Variants in PDE3B observed in about 807,000 individuals in gnomAD.
PDE3B encodes the protein phosphodiesterase 3B.
PDE3B carries 66 observed loss-of-function variants against 116.8 expected under a neutral mutation model. The observed-to-expected ratio is 0.56, with a 90% CI of 0.46 to 0.69. The LOEUF (loss-of-function observed/expected upper bound fraction) is 0.69, where lower values mean the gene tolerates loss of function less well. Ranked by LOEUF, PDE3B falls within the 30% of genes least tolerant of loss-of-function variation. The pLI is 0.00. For missense variants in PDE3B, 1,384 were observed against 1,368.1 expected, an observed-to-expected ratio of 1.01 and a Z score of -0.18; for synonymous variants, 595 against 533.6, an observed-to-expected ratio of 1.12 and a Z score of -1.59.
the PDE3B span, chr11:14,887,150 C>T: frequency 6.6e-6 from 1 of 152,212 alleles, no homozygotes; most frequent in Admixed American, 6.5e-5. Context: ...CAGAAGGGAA[C>T]TTTAGCAGAG....
At chr11:14,818,460 T>C (rs1859402158) in intron 6 of PDE3B, 67 bp downstream of exon 6, 1 of 1,067,096 alleles carries the variant, frequency 9.4e-7, no homozygotes, top group Non-Finnish European at 1.4e-6. Flanking sequence ...CTCAACATTT[T>C]GGATAGGTTC....
In PDE3B at chr11:14,721,443, T is replaced by G. The variant is rs373035476; in HGVS notation, c.979-50494T>G. On this transcript the variant is annotated intron_variant, in intron 1 of 15. Transcript: ENST00000282096. ...TACTGGGTATATACCCAAAGGACTA[T>G]AAATCATGCTGCTATAAAGACACAT... 3.2e-4 allele frequency among the ~76,000 whole-genome samples: 48 copies of G among 151,378 alleles called. No individual in the cohort carries two copies. The East Asian group carries it at 5.1e-3, about 16-fold the overall frequency.
downstream of PDE3B, among the ~76,000 whole-genome samples, chr11:14,874,421 T>C (rs576121751): frequency 2.0e-5 from 3 of 152,270 alleles, no homozygotes; most frequent in South Asian, 2.1e-4. Flanking sequence ...TAATTCTTCA[T>C]ATTATTTGCT....
At chr11:14,828,359 A>G (rs1392289241) in intron 7 of PDE3B, among the ~76,000 whole-genome samples, 2 of 152,256 alleles carry the variant, frequency 1.3e-5, no homozygotes, top group African/African-American at 4.8e-5. Flanking sequence ...ACAGCAAAAT[A>G]AACTATCAGC....
At position 14,644,507 on chromosome 11, in the gene PDE3B, C is replaced by A. The variant is rs781255530; in HGVS notation, c.432C>A (p.Gly144=). 1.9e-6 allele frequency: 3 copies of A among 1,610,488 alleles called. No individual in the cohort carries two copies. The highest frequency in any genetic ancestry group is 2.5e-6 in the Non-Finnish European group (3 of 1,178,538). ...TCACCCGGACCAAGCGGGGACCCGG[C>A]CCGGGCCGGAGCTGCGGCTCCTGGT... ...CFLTRTKRGP[G]PGRSCGSWWL... is the part of the protein sequence containing the mutation. The change falls in exon 1 of 16, where the codon GGC becomes GGA. Residue 144 remains glycine, a synonymous_variant. Transcript: ENST00000282096.
intron 1 of PDE3B, among the ~76,000 whole-genome samples, chr11:14,667,635 C>T (rs1482825061): frequency 2.1e-5 from 3 of 145,252 alleles, no homozygotes; most frequent in Non-Finnish European, 3.0e-5. Context: ...GGGAATTGAA[C>T]AATGAGAACA....
chr11:14,721,024 A>T (rs1325795717), intron 1 of PDE3B, among the ~76,000 whole-genome samples: 2 of 134,996 alleles, frequency 1.5e-5, no homozygotes, highest in Non-Finnish European at 3.1e-5. Context: ...CAACCTACTC[A>T]TCTGACAAAG....
chr11:14,794,019 CCTTGTTAAGGTAATTTGTATTGACTGT>C (rs1317233411), intron 4 of PDE3B, among the ~76,000 whole-genome samples: 13 of 152,190 alleles, frequency 8.5e-5, no homozygotes, highest in Admixed American at 8.5e-4. Context: ...TTGGTACAGA[CCTTGTTAAGGTAATTTGTATTGACTGT>C]CTAGAAGTCA....
At chr11:14,744,192 T>TC (rs1856844661) in intron 1 of PDE3B, among the ~76,000 whole-genome samples, 1 of 152,248 alleles carries the variant, frequency 6.6e-6, no homozygotes, top group South Asian at 2.1e-4. Flanking sequence ...GCTTTTATAA[T>TC]CAGTTATGCA....
Position 14,743,023 on chromosome 11 carries a change from C to T in PDE3B, c.979-28914C>T, listed in dbSNP as rs542431067. ...GTCAACTCCTGCTGAGAGATTTCTC[C>T]GAGTCAGGAGGCACGGGGGTCAGGG... On this transcript the variant is annotated intron_variant, in intron 1 of 15. Transcript: ENST00000282096. Among the ~76,000 whole-genome samples the T allele has an allele frequency of 3.9e-5, 6 of 152,262 alleles. No individual in the cohort carries two copies. The South Asian group carries it at 6.2e-4, about 16-fold the overall frequency.
At chr11:14,746,853 A>C (rs1489394962) in intron 1 of PDE3B, among the ~76,000 whole-genome samples, 1 of 152,220 alleles carries the variant, frequency 6.6e-6, no homozygotes, top group African/African-American at 2.4e-5. Context: ...ATTATGTAGA[A>C]TTTCATTTCC....
At chr11:14,837,460 G>A (rs1860090302) in intron 11 of PDE3B, among the ~76,000 whole-genome samples, 1 of 152,140 alleles carries the variant, frequency 6.6e-6, no homozygotes. Flanking sequence ...TCATTTGTAA[G>A]TTTTGTATTC....
At chr11:14,881,818 T>C in the PDE3B span, among the ~76,000 whole-genome samples, 1 of 152,082 alleles carries the variant, frequency 6.6e-6, no homozygotes, top group Admixed American at 6.6e-5. Context: ...GCCAGCACCA[T>C]GCTTCCTATA....
chr11:14,793,349 C>T (rs1281987621), intron 4 of PDE3B, among the ~76,000 whole-genome samples: 1 of 152,136 alleles, frequency 6.6e-6, no homozygotes. Context: ...ATTTCATATA[C>T]ACATAGCCTG....
chr11:14,800,020 G>C (rs138777481), intron 4 of PDE3B, among the ~76,000 whole-genome samples: 4 of 152,270 alleles, frequency 2.6e-5, no homozygotes, highest in African/African-American at 9.6e-5. Flanking sequence ...TTTCTTAGTA[G>C]TGTTGATGGT....
chr11:14,707,396 A>G (rs1481023235), intron 1 of PDE3B, among the ~76,000 whole-genome samples: 1 of 151,982 alleles, frequency 6.6e-6, no homozygotes, highest in African/African-American at 2.4e-5. Flanking sequence ...AAAGATAGCC[A>G]GGACCTATCT....
chr11:14,707,438 T>C (rs1855566452), intron 1 of PDE3B, among the ~76,000 whole-genome samples: 1 of 152,030 alleles, frequency 6.6e-6, no homozygotes, highest in Admixed American at 6.6e-5. Context: ...CATTTCTTAC[T>C]GAGTCTGTGA....
At chr11:14,645,969 A>G (rs2133740270) in intron 1 of PDE3B, among the ~76,000 whole-genome samples, 1 of 152,226 alleles carries the variant, frequency 6.6e-6, no homozygotes, top group Admixed American at 6.5e-5. Flanking sequence ...GGTGCCATTA[A>G]CCTCTAGAGA....
At chr11:14,658,152 T>TA (rs541710715) in intron 1 of PDE3B, among the ~76,000 whole-genome samples, 23 of 152,138 alleles carry the variant, frequency 1.5e-4, no homozygotes, top group Non-Finnish European at 2.9e-4. Flanking sequence ...AGTCTAAACT[T>TA]ACCAGTCAGG....
Sources: allele counts gnomAD v4.1 joint callset (sites outside exome capture counted in the v4.1 genomes callset), GRCh38; gene constraint gnomAD v4.1.1; transcripts MANE v1.5; gene names NCBI Gene and HGNC (gene_info 2026-07-23, HGNC 2026-07-21).